The following CACNA2D1 variants were observed in gnomAD, a reference collection of about 807,000 sequenced individuals.
The protein encoded by CACNA2D1 is calcium voltage-gated channel auxiliary subunit alpha2delta 1.
Under a neutral mutation model 171.5 loss-of-function variants are expected in CACNA2D1, and 53 were observed. The observed-to-expected ratio is 0.31, with a 90% CI of 0.25 to 0.39. CACNA2D1 has a LOEUF of 0.39. Among genes scored for constraint, CACNA2D1 ranks in the 10% least tolerant of loss-of-function variants. The pLI is 1.00. For missense variants in CACNA2D1, 903 were observed against 1,299.8 expected, an observed-to-expected ratio of 0.69 and a Z score of 4.69; for synonymous variants, 442 against 443.1, an observed-to-expected ratio of 1.00 and a Z score of 0.03.
chr7:81,990,327 C>G (rs1042206212), intron 21 of CACNA2D1, among the ~76,000 whole-genome samples: 14 of 151,996 alleles, frequency 9.2e-5, no homozygotes, highest in Admixed American at 2.6e-4. Flanking sequence ...TATGTTTTTT[C>G]TTTTAAAGTT....
intron 6 of CACNA2D1, among the ~76,000 whole-genome samples, chr7:82,110,305 A>G (rs535342869): frequency 9.2e-4 from 140 of 152,248 alleles, no homozygotes; most frequent in Non-Finnish European, 1.6e-3. Flanking sequence ...TGAGGTCATG[A>G]GTGTGGAGCA....
intron 3 of CACNA2D1, among the ~76,000 whole-genome samples, chr7:82,218,431 C>T (rs1350743190): frequency 6.6e-6 from 1 of 152,154 alleles, no homozygotes; most frequent in African/African-American, 2.4e-5. Flanking sequence ...CCTGAAAACA[C>T]AGCTTCTCTT....
chr7:82,002,881 A>C (rs1584363813), intron 18 of CACNA2D1, among the ~76,000 whole-genome samples: 1 of 142,922 alleles, frequency 7.0e-6, no homozygotes, highest in East Asian at 2.0e-4. Context: ...CATCTTCTAC[A>C]AAAAAAAAAA....
intron 21 of CACNA2D1, among the ~76,000 whole-genome samples, chr7:81,989,481 T>C (rs924979258): frequency 6.6e-6 from 1 of 152,172 alleles, no homozygotes; most frequent in African/African-American, 2.4e-5. Context: ...TTTTTCTCCG[T>C]GAAATGGAAA....
At chr7:82,302,883 A>T (rs1334146038) in intron 3 of CACNA2D1, among the ~76,000 whole-genome samples, 2 of 152,250 alleles carry the variant, frequency 1.3e-5, no homozygotes, top group Non-Finnish European at 2.9e-5. Context: ...GAATGTCTAA[A>T]AGATAGTTTA....
At chr7:82,141,005 G>A (rs1232126096) in intron 4 of CACNA2D1, among the ~76,000 whole-genome samples, 4 of 141,286 alleles carry the variant, frequency 2.8e-5, no homozygotes, top group Non-Finnish European at 6.1e-5. Context: ...TGTGATTTTT[G>A]TTTGAATGCT....
intron 22 of CACNA2D1, 152 bp from the exon 23 acceptor site, chr7:81,983,486 AG>A (rs1368165565): frequency 1.5e-6 from 1 of 676,170 alleles, no homozygotes; most frequent in Non-Finnish European, 2.7e-6. Flanking sequence ...CTGTAGTCTG[AG>A]GAAAAAAAAG....
chr7:81,978,770 T>TATATACAC (rs772536703), intron 24 of CACNA2D1, among the ~76,000 whole-genome samples: 2 of 144,018 alleles, frequency 1.4e-5, no homozygotes, highest in Non-Finnish European at 3.0e-5. Flanking sequence ...TATATATATA[T>TATATACAC]ACACACACAC....
intron 3 of CACNA2D1, among the ~76,000 whole-genome samples, chr7:82,226,930 A>G (rs1402835462): frequency 2.0e-5 from 3 of 152,186 alleles, no homozygotes; most frequent in Non-Finnish European, 4.4e-5. Context: ...CCTTTGCCTT[A>G]TATAAAATAC....
intron 24 of CACNA2D1, among the ~76,000 whole-genome samples, chr7:81,978,590 G>A (rs1028787204): frequency 1.3e-5 from 2 of 151,854 alleles, no homozygotes; most frequent in Admixed American, 6.6e-5. Flanking sequence ...GGGGGCAAGG[G>A]GAGGGAGAGC....
At chr7:82,192,998 T>C (rs540043511) in intron 3 of CACNA2D1, among the ~76,000 whole-genome samples, 13 of 149,418 alleles carry the variant, frequency 8.7e-5, no homozygotes, top group African/African-American at 2.4e-4. Context: ...TCAGTTAAAC[T>C]GGAACTAGAT....
At chr7:82,197,169 CTTTACTAA>C (rs1160215088) in intron 3 of CACNA2D1, among the ~76,000 whole-genome samples, 1 of 151,666 alleles carries the variant, frequency 6.6e-6, no homozygotes, top group East Asian at 1.9e-4. Context: ...AAAAATTAAT[CTTTACTAA>C]AGATTACTTA....
chr7:82,111,697 C>T (rs1293966797), intron 6 of CACNA2D1, among the ~76,000 whole-genome samples: 2 of 151,820 alleles, frequency 1.3e-5, no homozygotes, highest in African/African-American at 4.8e-5. Flanking sequence ...GATCCGCCCA[C>T]TTTGGTCTCC....
intron 3 of CACNA2D1, among the ~76,000 whole-genome samples, chr7:82,283,061 G>T (rs75459564): frequency 1.3e-5 from 2 of 151,664 alleles, no homozygotes; most frequent in South Asian, 4.2e-4. Context: ...TGTTTCCCAC[G>T]CTCCTTACAA....
At chr7:82,083,592 T>G (rs371334281) in intron 7 of CACNA2D1, among the ~76,000 whole-genome samples, 1 of 152,154 alleles carries the variant, frequency 6.6e-6, no homozygotes, top group East Asian at 1.9e-4. Context: ...ATGTAATATA[T>G]TCCCATCAGA....
chr7:82,272,863 C>T (rs1808820434), intron 3 of CACNA2D1, among the ~76,000 whole-genome samples: 1 of 152,090 alleles, frequency 6.6e-6, no homozygotes, highest in Admixed American at 6.5e-5. Context: ...CAGAGAAGCA[C>T]CACCTAAGAA....
At chr7:82,358,593 A>C (rs556807624) in intron 1 of CACNA2D1, among the ~76,000 whole-genome samples, 1 of 152,262 alleles carries the variant, frequency 6.6e-6, no homozygotes, top group Non-Finnish European at 1.5e-5. Context: ...GTGGAAAGGT[A>C]AAGTACTTGA....
chr7:82,300,062 T>G (rs1318092266), intron 3 of CACNA2D1, among the ~76,000 whole-genome samples: 1 of 152,094 alleles, frequency 6.6e-6, no homozygotes, highest in Non-Finnish European at 1.5e-5. Context: ...ATAATACAGG[T>G]AGGTGTCTCT....
chr7:82,374,072 T>C (rs1359810774), intron 1 of CACNA2D1, among the ~76,000 whole-genome samples: 1 of 152,168 alleles, frequency 6.6e-6, no homozygotes, highest in East Asian at 1.9e-4. Flanking sequence ...AAACCAGACA[T>C]GAACAACATT....
Sources: allele counts gnomAD v4.1 joint callset (sites outside exome capture counted in the v4.1 genomes callset), GRCh38; gene constraint gnomAD v4.1.1; transcripts MANE v1.5; gene names NCBI Gene and HGNC (gene_info 2026-07-23, HGNC 2026-07-21).